The following TRMT11 variants were observed in gnomAD, a reference collection of about 807,000 sequenced individuals.
TRMT11 encodes the protein tRNA methyltransferase 11.
A neutral mutation model predicts 62.8 loss-of-function variants in TRMT11; 53 were observed. That is an observed-to-expected ratio of 0.84 (90% CI 0.68 to 1.06). The LOEUF is 1.06. Ranked by LOEUF, TRMT11 falls within the 50% of genes least tolerant of loss-of-function variation. The probability of loss-of-function intolerance (pLI) is 0.00; values close to 1 mark genes in which losing one functional copy is unlikely to be tolerated. For missense variants in TRMT11, 556 were observed against 553.4 expected, an observed-to-expected ratio of 1.00 and a Z score of -0.05; for synonymous variants, 188 against 190.3, an observed-to-expected ratio of 0.99 and a Z score of 0.10.
intron 21 of TRMT11, among the ~76,000 whole-genome samples, chr6:126,163,637 C>G (rs1239130840): frequency 6.6e-6 from 1 of 152,162 alleles, no homozygotes; most frequent in Non-Finnish European, 1.5e-5. Context: ...GTACCAGCTC[C>G]TCTTTGTACC....
intron 17 of TRMT11, among the ~76,000 whole-genome samples, chr6:126,100,574 C>G (rs1777387284): frequency 6.6e-6 from 1 of 152,040 alleles, no homozygotes; most frequent in South Asian, 2.1e-4. Flanking sequence ...TGTCACATAC[C>G]CTGAGGACAG....
chr6:126,180,822 C>G (rs1422620887), intron 1 of TRMT11, among the ~76,000 whole-genome samples: 4 of 152,174 alleles, frequency 2.6e-5, no homozygotes, highest in Non-Finnish European at 2.9e-5. Flanking sequence ...GTCCTATTGT[C>G]TTTTCATGTA....
the TRMT11 span, among the ~76,000 whole-genome samples, chr6:126,237,563 C>T: frequency 4.6e-4 from 70 of 152,166 alleles, no homozygotes; most frequent in African/African-American, 1.6e-3. Context: ...TGCCTGACAT[C>T]CTAGCTACTT....
intron 7 of TRMT11, among the ~76,000 whole-genome samples, chr6:126,003,076 A>T (rs1471148389): frequency 6.6e-6 from 1 of 152,060 alleles, no homozygotes; most frequent in Non-Finnish European, 1.5e-5. Flanking sequence ...GGACATCGGT[A>T]GTTTTCAGTA....
chr6:126,003,621 A>G (rs1217997597), intron 7 of TRMT11, among the ~76,000 whole-genome samples: 1 of 152,020 alleles, frequency 6.6e-6, no homozygotes, highest in African/African-American at 2.4e-5. Flanking sequence ...TTGTATGTCT[A>G]TGGTTACGAA....
the TRMT11 span, among the ~76,000 whole-genome samples, chr6:126,231,599 C>T: frequency 6.6e-6 from 1 of 152,178 alleles, no homozygotes; most frequent in African/African-American, 2.4e-5. Flanking sequence ...TCTAACCTTA[C>T]ATCCTTCAAG....
chr6:126,047,472 C>T (rs1238002979), intron 16 of TRMT11, among the ~76,000 whole-genome samples: 1 of 151,874 alleles, frequency 6.6e-6, no homozygotes, highest in Admixed American at 6.6e-5. Flanking sequence ...GCTCCCCATC[C>T]ATCCCGCTGA....
chr6:126,060,390 A>G lies in TRMT11; in HGVS notation c.*1437+7200A>G, dbSNP rs888763881. On this transcript the variant is annotated intron_variant and NMD_transcript_variant, in intron 17 of 22. Coordinates refer to the TRMT11 transcript ENST00000648977. ...GTTTCTTTTTAAATTTTATCTTATCACGGGCTCTCTGGCTCAAGCTGTCCA... is the reference window on the plus strand; with the variant it reads ...GTTTCTTTTTAAATTTTATCTTATCGCGGGCTCTCTGGCTCAAGCTGTCCA... Among the ~76,000 whole-genome samples the G allele has an allele frequency of 3.3e-5, 5 of 152,124 alleles. 1 individual carries two copies. The highest frequency in any genetic ancestry group is 3.3e-4 in the Admixed American group (5 of 15,282).
intron 8 of TRMT11, among the ~76,000 whole-genome samples, chr6:126,010,251 T>C (rs1465000802): frequency 6.6e-6 from 1 of 152,078 alleles, no homozygotes; most frequent in Non-Finnish European, 1.5e-5. Flanking sequence ...TTGACCTTCA[T>C]ACAGCTGCTC....
chr6:126,059,524 T>G (rs1400129945), intron 17 of TRMT11, among the ~76,000 whole-genome samples: 1 of 152,234 alleles, frequency 6.6e-6, no homozygotes, highest in Non-Finnish European at 1.5e-5. Context: ...GCTGCAGTAC[T>G]TATATTAATC....
chr6:126,035,240 A>G (rs956202555), intron 12 of TRMT11, among the ~76,000 whole-genome samples: 1 of 152,102 alleles, frequency 6.6e-6, no homozygotes, highest in African/African-American at 2.4e-5. Context: ...GTTTCGTGAG[A>G]AATATTTTAT....
chr6:126,260,933 G>C, the TRMT11 span, among the ~76,000 whole-genome samples: 2 of 152,096 alleles, frequency 1.3e-5, no homozygotes, highest in East Asian at 1.9e-4. Context: ...TCTAATTGAG[G>C]AGCTTTGAGT....
chr6:126,228,315 T>C, the TRMT11 span, among the ~76,000 whole-genome samples: 1 of 152,282 alleles, frequency 6.6e-6, no homozygotes, highest in East Asian at 1.9e-4. Context: ...CAGGGACAGA[T>C]TGAAGCAAGT....
intron 11 of TRMT11, among the ~76,000 whole-genome samples, chr6:126,017,934 A>G (rs1795224066): frequency 6.6e-6 from 1 of 152,232 alleles, no homozygotes; most frequent in Admixed American, 6.5e-5. Context: ...GAGTGAGTGT[A>G]GCTGTTTGCC....
upstream of TRMT11, among the ~76,000 whole-genome samples, chr6:126,174,529 C>G (rs1583899073): frequency 6.6e-6 from 1 of 152,302 alleles, no homozygotes; most frequent in East Asian, 1.9e-4. Flanking sequence ...TGTTCCTAAC[C>G]ACGCTTGCCT....
At chr6:126,271,363 C>CAAAAAAAAAAAAAAA in the TRMT11 span, among the ~76,000 whole-genome samples, 1 of 36,266 alleles carries the variant, frequency 2.8e-5, no homozygotes, top group Non-Finnish European at 5.1e-5. Flanking sequence ...GACTCCATCT[C>CAAAAAAAAAAAAAAA]AAAAAAAAAA....
rs1471063923 is a variant in TRMT11, at chr6:126,102,706, G to A, written c.*1438-10160G>A. On this transcript the variant is annotated intron_variant and NMD_transcript_variant, in intron 17 of 22. Transcript: ENST00000648977. ...TACCTTGACTCTGAGCTGACTTAAA[G>A]GGTCTGGTATAATGGCAGTTCTTTT... Among the ~76,000 whole-genome samples, 3 of 152,068 alleles carry A rather than the reference G, an allele frequency of 2.0e-5. No homozygotes were observed. In the South Asian group the frequency reaches 6.2e-4, roughly 32 times the overall value.
chr6:126,048,505 T>A (rs954321282), intron 16 of TRMT11, among the ~76,000 whole-genome samples: 3 of 152,196 alleles, frequency 2.0e-5, no homozygotes, highest in Admixed American at 2.0e-4. Context: ...CTGATAGAAC[T>A]GTCGGGGTCA....
At chr6:126,250,266 G>A in the TRMT11 span, among the ~76,000 whole-genome samples, 1 of 152,158 alleles carries the variant, frequency 6.6e-6, no homozygotes, top group East Asian at 1.9e-4. Flanking sequence ...GTAGAGTGTA[G>A]AGACAGAAGT....
Sources: allele counts gnomAD v4.1 joint callset (sites outside exome capture counted in the v4.1 genomes callset), GRCh38; gene constraint gnomAD v4.1.1; transcripts MANE v1.5; gene names NCBI Gene and HGNC (gene_info 2026-07-23, HGNC 2026-07-21).